Variants in USP34 observed in about 807,000 individuals in gnomAD.
The protein encoded by USP34 is ubiquitin carboxyl-terminal hydrolase 34.
USP34 carries 70 observed loss-of-function variants against 460.3 expected under a neutral mutation model. The ratio of observed to expected loss-of-function variants is 0.15; its 90% CI spans 0.13 to 0.19. The LOEUF (loss-of-function observed/expected upper bound fraction) is 0.19. USP34 is among the 10% of genes least tolerant of loss of function. USP34 has a pLI of 1.00. For synonymous variants in USP34, 1,647 were observed against 1,405.3 expected, an observed-to-expected ratio of 1.17 and a Z score of -3.85; for missense variants, 3,985 against 4,236.2, an observed-to-expected ratio of 0.94 and a Z score of 1.65.
At chr2:61,204,443 G>A in intron 73 of USP34, 54 bp downstream of exon 73, 6 of 1,613,008 alleles carry the variant, frequency 3.7e-6, no homozygotes, top group African/African-American at 1.3e-5. Flanking sequence ...GCTTCAGTGT[G>A]CAGAACGATT....
intron 1 of USP34, among the ~76,000 whole-genome samples, chr2:61,459,834 C>G (rs1188647621): frequency 6.6e-6 from 1 of 150,706 alleles, no homozygotes; most frequent in Non-Finnish European, 1.5e-5. Context: ...CCAAGGTGGG[C>G]AGATCACCTG....
intron 1 of USP34, among the ~76,000 whole-genome samples, chr2:61,423,301 G>A (rs1289604251): frequency 1.3e-5 from 2 of 151,930 alleles, no homozygotes; most frequent in Non-Finnish European, 2.9e-5. Flanking sequence ...TTGTAGAGAG[G>A]GAGTTTCACC....
At chr2:61,252,737 G>A (rs1688620662) in intron 48 of USP34, among the ~76,000 whole-genome samples, 2 of 152,192 alleles carry the variant, frequency 1.3e-5, no homozygotes, top group Admixed American at 1.3e-4. Flanking sequence ...TGTAATGATA[G>A]AGTGTGAACT....
At chr2:61,302,659 A>C (rs955734398) in intron 27 of USP34, among the ~76,000 whole-genome samples, 14 of 152,254 alleles carry the variant, frequency 9.2e-5, no homozygotes, top group African/African-American at 3.1e-4. Flanking sequence ...AACAAGTCAT[A>C]TATGACTAAT....
intron 3 of USP34, among the ~76,000 whole-genome samples, chr2:61,401,201 ATC>A (rs1275201022): frequency 4.0e-5 from 6 of 151,246 alleles, no homozygotes; most frequent in Admixed American, 6.6e-5. Flanking sequence ...TATATATTTC[ATC>A]TGTCTGATTA....
intron 58 of USP34, among the ~76,000 whole-genome samples, chr2:61,230,480 C>A (rs981687857): frequency 6.6e-6 from 1 of 152,044 alleles, no homozygotes; most frequent in African/African-American, 2.4e-5. Context: ...GACGTGATCA[C>A]GCCATTGCAC....
At chr2:61,321,743 A>C (rs545772119) in intron 21 of USP34, among the ~76,000 whole-genome samples, 190 of 152,332 alleles carry the variant, frequency 1.2e-3, no homozygotes, top group Non-Finnish European at 1.9e-3. Flanking sequence ...CAAAGAACCC[A>C]TTTAGGAAGA....
At chr2:61,309,169 T>G (rs1452620441) in intron 27 of USP34, among the ~76,000 whole-genome samples, 1 of 152,178 alleles carries the variant, frequency 6.6e-6, no homozygotes, top group Non-Finnish European at 1.5e-5. Context: ...CAAAATTATT[T>G]CCAACTTAGA....
At chr2:61,451,664 A>G (rs1296434073) in intron 1 of USP34, among the ~76,000 whole-genome samples, 2 of 151,546 alleles carry the variant, frequency 1.3e-5, no homozygotes, top group Non-Finnish European at 2.9e-5. Context: ...CCTGGGCAAC[A>G]AGAGCGAAAC....
intron 14 of USP34, 78 bp downstream of exon 14, chr2:61,348,678 T>C: frequency 5.3e-6 from 8 of 1,513,662 alleles, no homozygotes; most frequent in South Asian, 2.6e-5. Context: ...ATGAATTATG[T>C]ATATATACCC....
At chr2:61,447,634 T>C (rs1288612916) in intron 1 of USP34, among the ~76,000 whole-genome samples, 1 of 152,186 alleles carries the variant, frequency 6.6e-6, no homozygotes, top group Non-Finnish European at 1.5e-5. Flanking sequence ...AAATGCTTTA[T>C]ATGAACTCAT....
At chr2:61,208,022 G>A (rs1687167667) in intron 70 of USP34, 1 of 152,174 alleles carries the variant, frequency 6.6e-6, no homozygotes, top group African/African-American at 2.4e-5. Flanking sequence ...TCATACTTGT[G>A]GATGTTCAAG....
intron 27 of USP34, 66 bp downstream of exon 27, chr2:61,311,474 G>GAAAGAAAAAGAAAAAAA: frequency 7.0e-7 from 1 of 1,427,718 alleles, no homozygotes; most frequent in Non-Finnish European, 9.2e-7. Flanking sequence ...GGAGAAAAGA[G>GAAAGAAAAAGAAAAAAA]AAAGAGAAAG....
intron 3 of USP34, among the ~76,000 whole-genome samples, chr2:61,397,242 A>G (rs904934469): frequency 1.3e-5 from 2 of 152,018 alleles, no homozygotes; most frequent in East Asian, 3.9e-4. Context: ...CAAGAGTTCT[A>G]GACCAGTCTG....
At chr2:61,239,715 G>A (rs1016350691) in intron 53 of USP34, among the ~76,000 whole-genome samples, 2 of 152,094 alleles carry the variant, frequency 1.3e-5, no homozygotes, top group Admixed American at 1.3e-4. Context: ...ACATGTGCAG[G>A]CAAGATACTA....
At chr2:61,203,523 G>A (rs1433381015) in intron 74 of USP34, among the ~76,000 whole-genome samples, 1 of 152,058 alleles carries the variant, frequency 6.6e-6, no homozygotes, top group Admixed American at 6.5e-5. Context: ...ATTTTAAAAT[G>A]TGACACTTTA....
intron 78 of USP34, chr2:61,189,545 G>A (rs575628587): frequency 6.5e-6 from 1 of 153,260 alleles, no homozygotes; most frequent in Non-Finnish European, 1.5e-5. Context: ...AAAATGCTTG[G>A]ATTGCAGGCA....
chr2:61,223,031 A>T, intron 64 of USP34, 29 bp downstream of exon 64: 2 of 1,574,066 alleles, frequency 1.3e-6, no homozygotes, highest in South Asian at 2.3e-5. Flanking sequence ...AATTTCCAAA[A>T]ATCTTTAAGA....
chr2:61,236,013 A>G lies in USP34; in HGVS notation c.6966+13T>C, dbSNP rs1391877015. ...CATAAATGACAAAAAAATCCATAGTAGAAAACACATACCTTTTCTTTAGAA... is the reference window on the plus strand; with the variant it reads ...CATAAATGACAAAAAAATCCATAGTGGAAAACACATACCTTTTCTTTAGAA... On this transcript the variant is annotated intron_variant, in intron 56 of 79. Transcript: ENST00000398571. 1.9e-6 allele frequency: 3 copies of G among 1,605,642 alleles called. No individual in the cohort carries two copies. Among genetic ancestry groups the G allele is most frequent in the Middle Eastern group, 3.3e-4 (2 of 6,002 alleles).
Sources: allele counts gnomAD v4.1 joint callset (sites outside exome capture counted in the v4.1 genomes callset), GRCh38; gene constraint gnomAD v4.1.1; transcripts MANE v1.5; gene names NCBI Gene and HGNC (gene_info 2026-07-23, HGNC 2026-07-21).